Variants in GRID2 observed in about 807,000 individuals in gnomAD.
GRID2 encodes glutamate ionotropic receptor delta type subunit 2, also known as glutamate receptor ionotropic, delta-2.
A neutral mutation model predicts 114.8 loss-of-function variants in GRID2; 33 were observed. The ratio of observed to expected loss-of-function variants is 0.29; its 90% CI spans 0.22 to 0.38. The LOEUF is 0.38. Among genes scored for constraint, GRID2 ranks in the 10% least tolerant of loss-of-function variants. GRID2 has a pLI of 1.00. For missense variants in GRID2, 1,184 were observed against 1,257.7 expected, an observed-to-expected ratio of 0.94 and a Z score of 0.89; for synonymous variants, 505 against 449.9, an observed-to-expected ratio of 1.12 and a Z score of -1.55.
At chr4:93,742,285 T>C (rs536483130) in intron 14 of GRID2, among the ~76,000 whole-genome samples, 30 of 152,248 alleles carry the variant, frequency 2.0e-4, no homozygotes, top group Admixed American at 7.8e-4. Context: ...ACTACAAGCT[T>C]TGTCCTCATG....
In GRID2 at chr4:92,890,233, AAG is replaced by A. The variant is rs547541967; in HGVS notation, c.245-194761_245-194760del. Among the ~76,000 whole-genome samples the A allele has an allele frequency of 1.7e-4, 26 of 152,286 alleles. No homozygotes were observed. The South Asian group carries it at 3.1e-3, about 18-fold the overall frequency. ...AAAGATTTCATGACAAAAACATCTGAAGCAGTTGCAACAAAAGCCAAAATTGA... is the reference window on the plus strand; with the variant it reads ...AAAGATTTCATGACAAAAACATCTGACAGTTGCAACAAAAGCCAAAATTGA... On this transcript the variant is annotated intron_variant, in intron 2 of 15. Coordinates refer to ENST00000282020, the MANE Select transcript of GRID2 (RefSeq NM_001510.4).
intron 13 of GRID2, among the ~76,000 whole-genome samples, chr4:93,542,931 T>C (rs1732798173): frequency 6.6e-6 from 1 of 152,130 alleles, no homozygotes; most frequent in Admixed American, 6.6e-5. Context: ...CCTGGTCATA[T>C]ATGAGCTTAC....
intron 14 of GRID2, among the ~76,000 whole-genome samples, chr4:93,751,273 A>G (rs890138934): frequency 4.6e-5 from 7 of 152,212 alleles, no homozygotes; most frequent in African/African-American, 1.7e-4. Context: ...AGATTCTCAT[A>G]AATAACAACA....
intron 2 of GRID2, among the ~76,000 whole-genome samples, chr4:92,644,208 C>T (rs1316671195): frequency 2.0e-5 from 3 of 151,454 alleles, no homozygotes; most frequent in African/African-American, 7.3e-5. Flanking sequence ...GTATTGTAGC[C>T]ATGATGTAAA....
chr4:93,461,114 C>G (rs1723702637), intron 11 of GRID2, among the ~76,000 whole-genome samples: 1 of 152,100 alleles, frequency 6.6e-6, no homozygotes, highest in Admixed American at 6.5e-5. Context: ...TGTTAAATAC[C>G]TTTCTATCCC....
chr4:93,059,641 G>A (rs1727586883), intron 2 of GRID2, among the ~76,000 whole-genome samples: 1 of 151,940 alleles, frequency 6.6e-6, no homozygotes. Flanking sequence ...ACAGTACTAT[G>A]TTTTTCATTC....
chr4:92,428,904 T>A (rs1310778967), intron 1 of GRID2, among the ~76,000 whole-genome samples: 4 of 152,194 alleles, frequency 2.6e-5, no homozygotes, highest in African/African-American at 9.7e-5. Flanking sequence ...CTGGGATACA[T>A]GTGCAGAACG....
chr4:93,467,792 T>C (rs1051252659), intron 11 of GRID2, among the ~76,000 whole-genome samples: 1 of 152,198 alleles, frequency 6.6e-6, no homozygotes, highest in African/African-American at 2.4e-5. Flanking sequence ...CAGGAACCAT[T>C]ATCCTATGAC....
chr4:92,455,863 C>T (rs1356700674), intron 1 of GRID2, among the ~76,000 whole-genome samples: 1 of 152,070 alleles, frequency 6.6e-6, no homozygotes, highest in Non-Finnish European at 1.5e-5. Flanking sequence ...CTTATTGCTG[C>T]CTGCGATTTG....
intron 4 of GRID2, among the ~76,000 whole-genome samples, chr4:93,196,766 C>T (rs1741538075): frequency 6.6e-6 from 1 of 152,144 alleles, no homozygotes; most frequent in Admixed American, 6.5e-5. Flanking sequence ...CGTCCAATTT[C>T]TCCTCTAGAA....
rs546550524 is a variant in GRID2 at position 93,780,254 on chromosome 4, C to A, written c.221+10804C>A. Among the ~76,000 whole-genome samples the A allele has an allele frequency of 1.1e-4, 16 of 152,274 alleles. 1 individual carries two copies. The highest frequency in any genetic ancestry group is 3.8e-4 in the African/African-American group (16 of 41,566). ...GCATTTGAATGAAGCTTTAAATGGA[C>A]TGAGGGAGTTAGCCATGTTGCTGTC... On this transcript the variant is annotated intron_variant, in intron 1 of 1. Transcript: ENST00000637838.
chr4:92,832,953 G>A (rs903030101), intron 2 of GRID2, among the ~76,000 whole-genome samples: 6 of 152,104 alleles, frequency 3.9e-5, no homozygotes, highest in Non-Finnish European at 2.9e-5. Flanking sequence ...GGAAAAGTCA[G>A]TATAAACTGA....
intron 1 of GRID2, among the ~76,000 whole-genome samples, chr4:93,790,788 A>G (rs1734679526): frequency 6.6e-6 from 1 of 152,206 alleles, no homozygotes; most frequent in South Asian, 2.1e-4. Context: ...ATTAGAGTCT[A>G]AAAGCCAGGG....
At chr4:93,341,412 C>A (rs2149246690) in intron 8 of GRID2, among the ~76,000 whole-genome samples, 1 of 152,204 alleles carries the variant, frequency 6.6e-6, no homozygotes, top group Middle Eastern at 3.4e-3. Context: ...GCAACCTCCA[C>A]CTCCTGGGTA....
At chr4:92,485,300 GCATATATATATATATA>G (rs1477194037) in intron 1 of GRID2, among the ~76,000 whole-genome samples, 5 of 35,148 alleles carry the variant, frequency 1.4e-4, no homozygotes, top group Non-Finnish European at 2.5e-4. Flanking sequence ...TAAGGTGTGT[GCATATATATATATATA>G]TATATATATA....
chr4:92,732,915 T>C (rs1321787715), intron 2 of GRID2, among the ~76,000 whole-genome samples: 1 of 152,154 alleles, frequency 6.6e-6, no homozygotes, highest in Non-Finnish European at 1.5e-5. Context: ...TAAGGCCTAG[T>C]ACAGTGACTG....
intron 2 of GRID2, among the ~76,000 whole-genome samples, chr4:92,943,528 C>A (rs1016672096): frequency 3.3e-5 from 5 of 151,918 alleles, no homozygotes; most frequent in African/African-American, 1.2e-4. Flanking sequence ...GTTCGAACTT[C>A]CTCCTTTAGC....
intron 14 of GRID2, among the ~76,000 whole-genome samples, chr4:93,763,201 T>C (rs112591187): frequency 3.2e-4 from 49 of 152,088 alleles, no homozygotes; most frequent in African/African-American, 1.0e-3. Flanking sequence ...CTGTCCTCCA[T>C]AAATCCTGAT....
At chr4:92,977,085 T>C (rs1193335546) in intron 2 of GRID2, among the ~76,000 whole-genome samples, 2 of 152,150 alleles carry the variant, frequency 1.3e-5, no homozygotes, top group Non-Finnish European at 2.9e-5. Context: ...TGTATTGGGC[T>C]CTGGGAAACT....
Sources: gnomAD v4.1 joint callset for allele counts (sites outside exome capture counted in the v4.1 genomes callset) on GRCh38, gnomAD v4.1.1 for gene constraint, MANE v1.5 for transcripts, NCBI Gene and HGNC (gene_info 2026-07-23, HGNC 2026-07-21) for gene names.